The following AGTPBP1 variants were observed in gnomAD, a reference collection of about 807,000 sequenced individuals.
AGTPBP1 encodes the protein ATP/GTP binding carboxypeptidase 1.
AGTPBP1 carries 70 observed loss-of-function variants against 143.9 expected under a neutral mutation model. That is an observed-to-expected ratio of 0.49 (90% CI 0.40 to 0.59). The LOEUF (loss-of-function observed/expected upper bound fraction) is 0.59, where lower values mean the gene tolerates loss of function less well. AGTPBP1 is among the 20% of genes least tolerant of loss of function. The pLI is 0.00. For missense variants in AGTPBP1, 1,229 were observed against 1,464.5 expected, an observed-to-expected ratio of 0.84 and a Z score of 2.62; for synonymous variants, 463 against 500.2, an observed-to-expected ratio of 0.93 and a Z score of 0.99.
At chr9:85,755,141 C>G in the AGTPBP1 span, among the ~76,000 whole-genome samples, 2 of 152,178 alleles carry the variant, frequency 1.3e-5, no homozygotes, top group African/African-American at 4.8e-5. Context: ...TCTTCTTTGT[C>G]TTGGCCATTT....
At chr9:85,661,523 A>G (rs1180839825) in intron 8 of AGTPBP1, among the ~76,000 whole-genome samples, 2 of 151,998 alleles carry the variant, frequency 1.3e-5, no homozygotes, top group East Asian at 1.9e-4. Context: ...AGCCCTTAAC[A>G]TTTTTCAGCT....
intron 22 of AGTPBP1, 92 bp downstream of exon 22, chr9:85,586,739 T>C (rs1828635660): frequency 2.1e-6 from 3 of 1,413,078 alleles, no homozygotes; most frequent in Admixed American, 4.0e-5. Flanking sequence ...AATGCATTAA[T>C]TTGACCTCAT....
intron 3 of AGTPBP1, among the ~76,000 whole-genome samples, chr9:85,687,348 C>T (rs957221219): frequency 3.9e-5 from 6 of 152,116 alleles, no homozygotes; most frequent in Non-Finnish European, 7.4e-5. Context: ...TATAAGAGAT[C>T]TGAACAACAC....
At chr9:85,771,063 T>C in the AGTPBP1 span, among the ~76,000 whole-genome samples, 1 of 152,264 alleles carries the variant, frequency 6.6e-6, no homozygotes, top group South Asian at 2.1e-4. Context: ...TTGAGAACTA[T>C]ATCCGTCTTT....
intron 20 of AGTPBP1, among the ~76,000 whole-genome samples, chr9:85,588,707 T>C (rs1180848795): frequency 6.6e-6 from 1 of 152,276 alleles, no homozygotes; most frequent in East Asian, 1.9e-4. Context: ...AAACAGTAAG[T>C]AGTATTTGAT....
intron 25 of AGTPBP1, among the ~76,000 whole-genome samples, chr9:85,574,933 T>C (rs2133050066): frequency 6.6e-6 from 1 of 152,310 alleles, no homozygotes; most frequent in Admixed American, 6.5e-5. Context: ...GTTCTCGAAC[T>C]CCTGACCTCA....
the AGTPBP1 span, among the ~76,000 whole-genome samples, chr9:85,784,502 G>C: frequency 6.6e-6 from 1 of 152,020 alleles, no homozygotes; most frequent in Admixed American, 6.6e-5. Context: ...CAAACTCCTG[G>C]GCTTGAGCAA....
At chr9:85,680,293 A>C (rs1273502907) in intron 4 of AGTPBP1, among the ~76,000 whole-genome samples, 1 of 152,102 alleles carries the variant, frequency 6.6e-6, no homozygotes, top group African/African-American at 2.4e-5. Context: ...TTTAAAAACA[A>C]AACTGTTAGG....
the AGTPBP1 span, among the ~76,000 whole-genome samples, chr9:85,784,878 T>G: frequency 6.6e-5 from 10 of 152,310 alleles, no homozygotes; most frequent in South Asian, 2.1e-3. Context: ...ACTCTTATAG[T>G]TTTTCTAGAA....
Position 85,619,087 on chromosome 9 carries a change from T to A in AGTPBP1, c.2231A>T (p.His744Leu). The change falls in exon 17 of 26, where the codon CAT becomes CTT. Residue 744 changes from histidine to leucine, a missense_variant. Physicochemically the swap from His to Leu is moderately conservative, Grantham distance 99 (BLOSUM62 -3). Around this residue, in one of 2 missense-constraint regions of AGTPBP1, gnomAD observed 486 missense variants for 652.3 expected, o/e 0.75. Transcript: ENST00000357081. ...TTCAAAGTAAAACCACTGATGATAA[T>A]GATTGCTGTTTATGTCTGAGTTCAG... Reference protein sequence around the residue: ...LILNSDINSNHYHQWFYFEVS... With the variant: ...LILNSDINSNLYHQWFYFEVS... The A allele has an allele frequency of 6.2e-7, 1 of 1,613,774 alleles. No individual in the cohort carries two copies. Among genetic ancestry groups the A allele is most frequent in the Non-Finnish European group, 8.5e-7 (1 of 1,179,784 alleles).
chr9:85,642,366 G>A (rs1262465578), intron 13 of AGTPBP1, among the ~76,000 whole-genome samples: 4 of 151,670 alleles, frequency 2.6e-5, no homozygotes, highest in Non-Finnish European at 5.9e-5. Context: ...GTCTTGCTCT[G>A]TCACCAGGCT....
At chr9:85,657,302 A>T in intron 10 of AGTPBP1, 133 bp downstream of exon 10, 1 of 760,004 alleles carries the variant, frequency 1.3e-6, no homozygotes, top group Non-Finnish European at 2.0e-6. Flanking sequence ...TGTGTCTTTT[A>T]CTTTTAAGAT....
intron 6 of AGTPBP1, among the ~76,000 whole-genome samples, chr9:85,676,700 C>T (rs1007289678): frequency 2.6e-5 from 4 of 151,960 alleles, no homozygotes; most frequent in Admixed American, 1.3e-4. Flanking sequence ...TATATCCAAA[C>T]GAAAGGAAAT....
chr9:85,781,186 A>G, the AGTPBP1 span: 1 of 1,473,052 alleles, frequency 6.8e-7, no homozygotes, highest in Non-Finnish European at 9.0e-7. Context: ...TTTAAATGCA[A>G]ATTTTTGTTG....
At chr9:85,798,049 C>T in the AGTPBP1 span, among the ~76,000 whole-genome samples, 140 of 151,086 alleles carry the variant, frequency 9.3e-4, 1 homozygote, top group East Asian at 0.024. Flanking sequence ...TGTGCCACCA[C>T]ATCGGCTATT....
At chr9:85,574,485 T>C (rs1238641528) in intron 25 of AGTPBP1, among the ~76,000 whole-genome samples, 1 of 150,456 alleles carries the variant, frequency 6.6e-6, no homozygotes, top group Non-Finnish European at 1.5e-5. Context: ...AAAAAAAGAA[T>C]TATGACATGA....
chr9:85,701,687 T>A (rs1239689581), intron 2 of AGTPBP1, among the ~76,000 whole-genome samples: 2 of 152,192 alleles, frequency 1.3e-5, no homozygotes, highest in African/African-American at 2.4e-5. Flanking sequence ...GATTGCTTTA[T>A]AAACAGGGAA....
chr9:85,646,653 C>A (rs1185774878), intron 11 of AGTPBP1, among the ~76,000 whole-genome samples: 1 of 152,172 alleles, frequency 6.6e-6, no homozygotes, highest in African/African-American at 2.4e-5. Context: ...CTAATGTTCT[C>A]AGTTTTTAAA....
intron 2 of AGTPBP1, among the ~76,000 whole-genome samples, chr9:85,697,445 G>GTTTTTTTTTTTTTTTTTT (rs758082233): frequency 5.7e-4 from 37 of 65,056 alleles, no homozygotes; most frequent in East Asian, 1.1e-3. Context: ...TTTGTTTTTT[G>GTTTTTTTTTTTTTTTTTT]TTTTTTTTTT....
Sources: allele counts gnomAD v4.1 joint callset (sites outside exome capture counted in the v4.1 genomes callset), GRCh38; gene constraint gnomAD v4.1.1; regional missense constraint gnomAD v4.1.1; transcripts MANE v1.5; gene names NCBI Gene and HGNC (gene_info 2026-07-23, HGNC 2026-07-21).